PDE3A: variants seen among roughly 807,000 people sequenced by gnomAD.
The protein encoded by PDE3A is phosphodiesterase 3A.
In PDE3A, 43 loss-of-function variants were observed where a neutral mutation model predicts 98.3. The ratio of observed to expected loss-of-function variants is 0.44; its 90% CI spans 0.34 to 0.56. The LOEUF is 0.56. PDE3A is among the 20% of genes least tolerant of loss of function. PDE3A has a pLI of 0.01. For missense variants in PDE3A, 1,427 were observed against 1,440.7 expected (o/e 0.99, Z 0.15); for synonymous variants, 663 against 567.9 (o/e 1.17, Z -2.38).
intron 15 of PDE3A, among the ~76,000 whole-genome samples, chr12:20,655,255 A>G (rs1945016997): frequency 6.6e-6 from 1 of 152,290 alleles, no homozygotes; most frequent in South Asian, 2.1e-4. Flanking sequence ...TAAAGCAGGG[A>G]AAGATTTGTA....
intron 1 of PDE3A, among the ~76,000 whole-genome samples, chr12:20,436,245 T>G (rs1049018173): frequency 2.0e-5 from 3 of 152,098 alleles, no homozygotes; most frequent in Non-Finnish European, 4.4e-5. Flanking sequence ...CTTTAGGAAG[T>G]TACAGCTTCA....
chr12:20,663,835 A>G (rs1322713603), intron 15 of PDE3A, among the ~76,000 whole-genome samples: 3 of 152,064 alleles, frequency 2.0e-5, no homozygotes, highest in African/African-American at 4.8e-5. Context: ...GAAAGGCAAG[A>G]TTGTGTTTTG....
intron 2 of PDE3A, among the ~76,000 whole-genome samples, chr12:20,568,342 A>T (rs557035588): frequency 6.6e-6 from 1 of 152,004 alleles, no homozygotes; most frequent in East Asian, 1.9e-4. Context: ...ATCTGGAGTG[A>T]ATTTCTGCCA....
At chr12:20,562,526 T>G (rs1942554403) in intron 2 of PDE3A, among the ~76,000 whole-genome samples, 1 of 152,074 alleles carries the variant, frequency 6.6e-6, no homozygotes. Context: ...CTGCTTTTTT[T>G]TTTTGTTTTT....
At chr12:20,631,068 G>T (rs61921460) in intron 6 of PDE3A, among the ~76,000 whole-genome samples, 1 of 151,940 alleles carries the variant, frequency 6.6e-6, no homozygotes, top group African/African-American at 2.4e-5. Flanking sequence ...CATAAGTTCT[G>T]TAAATTAAAT....
At chr12:20,386,328 G>T (rs1213532228) in intron 1 of PDE3A, among the ~76,000 whole-genome samples, 1 of 144,692 alleles carries the variant, frequency 6.9e-6, no homozygotes, top group African/African-American at 2.6e-5. Context: ...TTGCCATTCT[G>T]ACTGGCATGT....
intron 14 of PDE3A, among the ~76,000 whole-genome samples, chr12:20,653,475 G>C (rs1944967629): frequency 6.6e-6 from 1 of 151,682 alleles, no homozygotes; most frequent in African/African-American, 2.4e-5. Context: ...TGATTCTCCT[G>C]CCTCAGCCTC....
chr12:20,634,469 C>G (rs574705014), intron 7 of PDE3A, among the ~76,000 whole-genome samples: 23 of 152,234 alleles, frequency 1.5e-4, no homozygotes, highest in African/African-American at 5.1e-4. Flanking sequence ...TGCCCATGCT[C>G]CCAAGCATAT....
chr12:20,581,330 T>G (rs938172907), intron 2 of PDE3A, among the ~76,000 whole-genome samples: 1 of 152,194 alleles, frequency 6.6e-6, no homozygotes, highest in African/African-American at 2.4e-5. Flanking sequence ...GTTTTGGTTT[T>G]GTTTTGTTTT....
At chr12:20,605,326 A>C (rs1943685451) in intron 2 of PDE3A, among the ~76,000 whole-genome samples, 1 of 152,200 alleles carries the variant, frequency 6.6e-6, no homozygotes, top group Non-Finnish European at 1.5e-5. Flanking sequence ...AATTTACCAT[A>C]AGAAGGAAAC....
At chr12:20,534,608 C>A (rs1490588430) in intron 1 of PDE3A, among the ~76,000 whole-genome samples, 1 of 152,134 alleles carries the variant, frequency 6.6e-6, no homozygotes, top group Non-Finnish European at 1.5e-5. Context: ...ATATTGAAAT[C>A]TCATTGCTTG....
chr12:20,462,389 G>A (rs1306667461), intron 1 of PDE3A, among the ~76,000 whole-genome samples: 2 of 152,124 alleles, frequency 1.3e-5, no homozygotes, highest in African/African-American at 4.8e-5. Flanking sequence ...TACTCAGAAG[G>A]CTGAGGCAGG....
At chr12:20,557,116 A>G (rs1156292712) in intron 2 of PDE3A, 2 of 176,298 alleles carry the variant, frequency 1.1e-5, no homozygotes, top group East Asian at 1.8e-4. Flanking sequence ...ACTAATTACA[A>G]GATTTTGTCT....
chr12:20,522,021 C>T (rs1401885826), intron 1 of PDE3A, among the ~76,000 whole-genome samples: 1 of 152,094 alleles, frequency 6.6e-6, no homozygotes, highest in Non-Finnish European at 1.5e-5. Flanking sequence ...CTCTGTATGG[C>T]CCATGTTCCA....
intron 1 of PDE3A, among the ~76,000 whole-genome samples, chr12:20,437,747 G>T (rs1001987819): frequency 6.6e-6 from 1 of 152,128 alleles, no homozygotes; most frequent in Non-Finnish European, 1.5e-5. Flanking sequence ...CAACATTGGG[G>T]ATGACAATTC....
chr12:20,678,826 G>T (rs1275416897), intron 15 of PDE3A, among the ~76,000 whole-genome samples: 2 of 152,192 alleles, frequency 1.3e-5, no homozygotes, highest in African/African-American at 4.8e-5. Context: ...CAGTCACTGT[G>T]AAACAATTTT....
In PDE3A at chr12:20,516,955, A is replaced by G. The variant is rs946960964; in HGVS notation, c.961-39705A>G. On this transcript the variant is annotated intron_variant, in intron 1 of 15. Transcript: ENST00000359062. ...ACAAATTATAGAATTTCAAAGCAGGAAGAGCATCTTGTTTTACCCCTCTTT... is the reference window on the plus strand; with the variant it reads ...ACAAATTATAGAATTTCAAAGCAGGGAGAGCATCTTGTTTTACCCCTCTTT... Among the ~76,000 whole-genome samples, 3 of 152,334 alleles carry G rather than the reference A, an allele frequency of 2.0e-5. No individual in the cohort carries two copies. In the South Asian group the frequency reaches 6.2e-4, roughly 32 times the overall value.
chr12:20,454,952 T>G (rs995948653), intron 1 of PDE3A, among the ~76,000 whole-genome samples: 2 of 152,240 alleles, frequency 1.3e-5, no homozygotes, highest in African/African-American at 4.8e-5. Flanking sequence ...TTTGTCTTTA[T>G]GACAGAACAG....
chr12:20,384,446 C>A (rs4537840), intron 1 of PDE3A, among the ~76,000 whole-genome samples: 93,977 of 151,670 alleles, frequency 0.62, 29,517 homozygotes, highest in East Asian at 0.84. Flanking sequence ...AAATTTTAAT[C>A]AATTTGTGTC....
Sources: gnomAD v4.1 joint callset for allele counts (sites outside exome capture counted in the v4.1 genomes callset) on GRCh38, gnomAD v4.1.1 for gene constraint, MANE v1.5 for transcripts, NCBI Gene and HGNC (gene_info 2026-07-23, HGNC 2026-07-21) for gene names.